Variants in KCNQ1 observed in about 807,000 individuals in gnomAD.
KCNQ1 encodes the protein potassium voltage-gated channel subfamily KQT member 1.
KCNQ1 carries 49 observed loss-of-function variants against 72.4 expected under a neutral mutation model. The observed-to-expected ratio is 0.68, with a 90% CI of 0.54 to 0.86. The LOEUF (loss-of-function observed/expected upper bound fraction) is 0.86, where lower values mean the gene tolerates loss of function less well. Ranked by LOEUF, KCNQ1 falls within the 40% of genes least tolerant of loss-of-function variation. The pLI, the probability that KCNQ1 is intolerant of heterozygous loss-of-function variation, is 0.00. For missense variants in KCNQ1, 790 were observed against 945.1 expected (o/e 0.84, Z 2.15); for synonymous variants, 450 against 412.6 (o/e 1.09, Z -1.10).
intron 11 of KCNQ1, among the ~76,000 whole-genome samples, chr11:2,765,074 T>G (rs1846472376): frequency 6.6e-6 from 1 of 152,232 alleles, no homozygotes; most frequent in South Asian, 2.1e-4. Context: ...TTTTAACCGC[T>G]TGAGATGGAT....
intron 10 of KCNQ1, chr11:2,618,311 A>G (rs1460189653): frequency 2.0e-5 from 8 of 398,490 alleles, no homozygotes; most frequent in Middle Eastern, 6.2e-4. Context: ...GATGGGCTAA[A>G]AAAATGCAAA....
At chr11:2,472,113 TAA>T (rs777411135) in intron 1 of KCNQ1, among the ~76,000 whole-genome samples, 2 of 150,524 alleles carry the variant, frequency 1.3e-5, no homozygotes, top group East Asian at 1.9e-4. Context: ...CCTATGTGTA[TAA>T]GTGTATGTGC....
In KCNQ1 at chr11:2,675,920, AAC is replaced by A. The variant is rs754120635; in HGVS notation, c.1514+13841_1514+13842del. 262 of 398,668 alleles carry A rather than the reference AAC, an allele frequency of 6.6e-4. No homozygotes were observed. Among genetic ancestry groups the A allele is most frequent in the Non-Finnish European group, 1.0e-3 (227 of 226,068 alleles). The allele number at this position is 398,668 out of a possible 1,614,324, so 24.7% of individuals were successfully genotyped here. A position where few individuals can be genotyped will look rare whatever the true frequency, so the allele number is the denominator to read the frequency against. On this transcript the variant is annotated intron_variant, in intron 11 of 15. Coordinates refer to ENST00000155840, the MANE Select transcript of KCNQ1 (RefSeq NM_000218.3). ...AAGGGTTGTGCTACAAAAATCATAC[AAC>A]AGTCTTTACACACATGGTAAAACCA... is the stretch of plus-strand genomic sequence containing the variant.
rs145367389 is a variant in KCNQ1, at chr11:2,478,775, C to T, written c.386+33291C>T. Among the ~76,000 whole-genome samples the T allele has an allele frequency of 2.0e-4, 30 of 152,288 alleles. No homozygotes were observed. The highest frequency in any genetic ancestry group is 1.2e-3 in the Admixed American group (19 of 15,292). On this transcript the variant is annotated intron_variant, in intron 1 of 15. Transcript: ENST00000155840. This position sits in a 1 kb window ranked among gnomAD's most constrained non-coding sequence, Gnocchi z 4.0. Reference sequence around the variant, plus strand: ...TGCCTTCCCAACGGTGCCCCAAAGTCTTAACTCATTTCAGCATTAACTCAA... The same window carrying T: ...TGCCTTCCCAACGGTGCCCCAAAGTTTTAACTCATTTCAGCATTAACTCAA...
At chr11:2,751,790 C>T (rs146617296) in intron 11 of KCNQ1, among the ~76,000 whole-genome samples, 18 of 152,334 alleles carry the variant, frequency 1.2e-4, no homozygotes, top group Admixed American at 2.6e-4. Flanking sequence ...GGTGTTCAGC[C>T]GCCCTGTCCC....
intron 2 of KCNQ1, among the ~76,000 whole-genome samples, chr11:2,553,469 G>A (rs537495389): frequency 3.3e-5 from 5 of 152,090 alleles, no homozygotes; most frequent in East Asian, 1.9e-4. Context: ...TAGAGAGTGC[G>A]TCAAGAATGG....
chr11:2,571,234 C>T (rs1403939440), intron 3 of KCNQ1, 91 bp from the exon 4 acceptor site: 15 of 1,077,204 alleles, frequency 1.4e-5, no homozygotes, highest in Non-Finnish European at 2.2e-5. Flanking sequence ...ACCAGCAAGC[C>T]CCTTCCCCAG....
rs1846124087 is a variant in KCNQ1 at position 2,451,940 on chromosome 11, C to G, written c.386+6456C>G. 6.6e-6 allele frequency among the ~76,000 whole-genome samples: 1 copy of G among 152,194 alleles called. No homozygotes were observed. Among genetic ancestry groups the G allele is most frequent in the Admixed American group, 6.5e-5 (1 of 15,284 alleles). On this transcript the variant is annotated intron_variant, in intron 1 of 15. Transcript: ENST00000155840. This position sits in a 1 kb window ranked among gnomAD's most constrained non-coding sequence, Gnocchi z 6.4. ...TGAGGTGGTGCACTATTCCTGGCCT[C>G]AGGCCCAGTTTGTATCCATGGGCAC...
rs1846653390 is a variant in KCNQ1 at position 2,481,679 on chromosome 11, C to T, written c.386+36195C>T. On this transcript the variant is annotated intron_variant, in intron 1 of 15. Transcript: ENST00000155840. This position sits in a 1 kb window ranked among gnomAD's most constrained non-coding sequence, Gnocchi z 4.6. ...CAGATCAGTGGCGGCATTAGATTCT[C>T]ACAGGGGTGTGTACCCTGTTGCAAA... Among the ~76,000 whole-genome samples, 1 of 152,174 alleles carries T rather than the reference C, an allele frequency of 6.6e-6. No homozygotes were observed. Among genetic ancestry groups the T allele is most frequent in the South Asian group, 2.1e-4 (1 of 4,832 alleles).
At chr11:2,840,570 C>T (rs1848187390) in intron 15 of KCNQ1, 1 of 152,070 alleles carries the variant, frequency 6.6e-6, no homozygotes, top group African/African-American at 2.4e-5. Flanking sequence ...CCCTTCCAAG[C>T]ACGCACAGGA....
At chr11:2,510,290 A>AT (rs1370836400) in intron 1 of KCNQ1, among the ~76,000 whole-genome samples, 14 of 150,700 alleles carry the variant, frequency 9.3e-5, no homozygotes, top group African/African-American at 2.9e-4. Flanking sequence ...AAAAAAAAAA[A>AT]ATTTTTAAAT....
intron 11 of KCNQ1, among the ~76,000 whole-genome samples, chr11:2,705,276 G>A (rs1235101110): frequency 6.6e-6 from 1 of 152,204 alleles, no homozygotes; most frequent in Non-Finnish European, 1.5e-5. Context: ...TGGAGTTCAG[G>A]CGGTCTCCAT....
rs1051251305 is a variant in KCNQ1 at position 2,567,499 on chromosome 11, T to C, written c.478-3129T>C. On this transcript the variant is annotated intron_variant, in intron 2 of 15. Coordinates refer to ENST00000155840, the MANE Select transcript of KCNQ1 (RefSeq NM_000218.3). The surrounding 1 kb of genome is among the most constrained non-coding windows in gnomAD (Gnocchi z 6.6). ...TGGGGTCTTGCTGTGGCCTTGGCCC[T>C]GGGTGTTGTCCCACACAGCCCAGGA... Among the ~76,000 whole-genome samples, 2 of 152,174 alleles carry C rather than the reference T, an allele frequency of 1.3e-5. No individual in the cohort carries two copies. The highest frequency in any genetic ancestry group is 4.8e-5 in the African/African-American group (2 of 41,430).
chr11:2,816,453 C>A lies in KCNQ1; in HGVS notation c.1795-31314C>A, dbSNP rs574939317. Among the ~76,000 whole-genome samples the A allele has an allele frequency of 1.3e-5, 2 of 152,274 alleles. No individual in the cohort carries two copies. The highest frequency in any genetic ancestry group is 3.9e-4 in the East Asian group (2 of 5,168). On this transcript the variant is annotated intron_variant, in intron 15 of 15. Coordinates refer to ENST00000155840, the MANE Select transcript of KCNQ1 (RefSeq NM_000218.3). The surrounding 1 kb of genome is among the most constrained non-coding windows in gnomAD (Gnocchi z 6.8). ...CTCCTTCTGAGAATCCGCCCTGGAGCAGTAACACCCTTGGGACTGAGAATG... is the reference window on the plus strand; with the variant it reads ...CTCCTTCTGAGAATCCGCCCTGGAGAAGTAACACCCTTGGGACTGAGAATG...
chr11:2,578,753 C>CG (rs1848457183), intron 6 of KCNQ1, among the ~76,000 whole-genome samples: 1 of 152,242 alleles, frequency 6.6e-6, no homozygotes, highest in South Asian at 2.1e-4. Flanking sequence ...TGCCTCCTCA[C>CG]GGGCAGGCTG....
chr11:2,645,757 T>A lies in KCNQ1; in HGVS notation c.1394-16204T>A. On this transcript the variant is annotated intron_variant, in intron 10 of 15. Coordinates refer to ENST00000155840, the MANE Select transcript of KCNQ1 (RefSeq NM_000218.3). The surrounding 1 kb of genome is among the most constrained non-coding windows in gnomAD (Gnocchi z 5.8). ...TGTCCATGGGGCTCCAGGGATGAGA[T>A]AGAGGGATGTGGGGCCCACAGCAGA... The A allele has an allele frequency of 2.5e-6, 1 of 398,678 alleles. No homozygotes were observed. 24.7% of individuals were successfully genotyped at this position (398,678 alleles called of 1,614,324 possible).
At chr11:2,460,524 TGGCTCCAAGGCCCACAGTAGAAA>T (rs1328144674) in intron 1 of KCNQ1, among the ~76,000 whole-genome samples, 3 of 142,714 alleles carry the variant, frequency 2.1e-5, no homozygotes, top group African/African-American at 7.5e-5. Flanking sequence ...TTTTTTCCTG[TGGCTCCAAGGCCCACAGTAGAAA>T]GGCTCCAGTC....
intron 11 of KCNQ1, among the ~76,000 whole-genome samples, chr11:2,716,781 G>A (rs998745889): frequency 1.3e-5 from 2 of 152,224 alleles, no homozygotes; most frequent in Admixed American, 6.5e-5. Context: ...AACAGGCCAG[G>A]AGCACTGGTG....
chr11:2,836,563 C>G (rs896310950), intron 15 of KCNQ1, among the ~76,000 whole-genome samples: 1 of 152,214 alleles, frequency 6.6e-6, no homozygotes, highest in Non-Finnish European at 1.5e-5. Context: ...GAGCCCTCAG[C>G]CTCCACGCCC....
Sources: allele counts gnomAD v4.1 joint callset (sites outside exome capture counted in the v4.1 genomes callset), GRCh38; gene constraint gnomAD v4.1.1; non-coding constraint Gnocchi (gnomAD v3.1); transcripts MANE v1.5; gene names NCBI Gene and HGNC (gene_info 2026-07-23, HGNC 2026-07-21).